SYNE1: variants seen among roughly 807,000 people sequenced by gnomAD.
SYNE1 encodes the protein nesprin-1.
In SYNE1, 616 loss-of-function variants were observed where a neutral mutation model predicts 1,111.0. The ratio of observed to expected loss-of-function variants is 0.55; its 90% CI spans 0.52 to 0.59. The LOEUF is 0.59. Ranked by LOEUF, SYNE1 falls within the 20% of genes least tolerant of loss-of-function variation. SYNE1 has a pLI of 0.00. For synonymous variants in SYNE1, 3,855 were observed against 3,825.8 expected, an observed-to-expected ratio of 1.01 and a Z score of -0.28; for missense variants, 10,006 against 10,417.0, an observed-to-expected ratio of 0.96 and a Z score of 1.72.
chr6:152,433,495 T>C (rs780154720), intron 34 of SYNE1: 9 of 402,356 alleles, frequency 2.2e-5, no homozygotes, highest in Non-Finnish European at 3.2e-5. Context: ...GAGCATTCTA[T>C]TGAGGTTAAT....
intron 32 of SYNE1, among the ~76,000 whole-genome samples, chr6:152,440,670 C>T (rs1035398729): frequency 1.4e-5 from 2 of 147,388 alleles, no homozygotes; most frequent in African/African-American, 5.1e-5. Flanking sequence ...CGGGTTCAAG[C>T]GATTCTCCTG....
chr6:152,198,878 T>G (rs1480277311), intron 127 of SYNE1, among the ~76,000 whole-genome samples: 1 of 151,856 alleles, frequency 6.6e-6, no homozygotes, highest in Admixed American at 6.6e-5. Flanking sequence ...TTTGGAATAT[T>G]GTGAGAATTA....
rs2099690454 is a variant in SYNE1, at chr6:152,628,367, C to T, written c.-36G>A. 4 of 1,607,006 alleles carry T rather than the reference C, an allele frequency of 2.5e-6. No individual in the cohort carries two copies. The highest frequency in any genetic ancestry group is 2.6e-6 in the Non-Finnish European group (3 of 1,173,740). Reference sequence around the variant, plus strand: ...GAAGCACGAAGCCAACACCAAGAGACTCTTCACTGGAGGCAGCACAGGGCT... The same window carrying T: ...GAAGCACGAAGCCAACACCAAGAGATTCTTCACTGGAGGCAGCACAGGGCT... On this transcript the variant is annotated 5_prime_UTR_variant, in exon 3 of 146. Transcript: ENST00000367255.
rs2095872423 is a variant in SYNE1, at chr6:152,321,710, C to G, written c.16083+11G>C. 1 of 1,613,894 alleles carries G rather than the reference C, an allele frequency of 6.2e-7. No homozygotes were observed. The highest frequency in any genetic ancestry group is 8.5e-7 in the Non-Finnish European group (1 of 1,179,906). ...ATGATGGGTAAAGAGAATGAGGAGA[C>G]TTTTTTGTACCTGAAGTTCTTCAAG... On this transcript the variant is annotated intron_variant, in intron 83 of 145. Transcript: ENST00000367255.
At position 152,416,378 on chromosome 6, in the gene SYNE1, C is replaced by G; in HGVS notation, c.6050+9G>C. 3 of 1,613,672 alleles carry G rather than the reference C, an allele frequency of 1.9e-6. No homozygotes were observed. The highest frequency in any genetic ancestry group is 1.3e-5 in the African/African-American group (1 of 75,052). ...AAGAGACAAGTGGCCGTGACAGTTT[C>G]CTATTTACCTCTGCTGAAGAGCTTG... On this transcript the variant is annotated intron_variant, in intron 41 of 145. Transcript: ENST00000367255.
At chr6:152,473,079 G>C (rs1237294185) in intron 14 of SYNE1, among the ~76,000 whole-genome samples, 2 of 152,074 alleles carry the variant, frequency 1.3e-5, no homozygotes, top group African/African-American at 2.4e-5. Flanking sequence ...AATCTTCTTT[G>C]ATTTGTTTGC....
intron 128 of SYNE1, chr6:152,185,334 T>G (rs937749065): frequency 1.8e-4 from 27 of 152,314 alleles, no homozygotes; most frequent in African/African-American, 5.5e-4. Flanking sequence ...ATCAACTGCT[T>G]TGGTCAGAAT....
chr6:152,256,968 T>A (rs1023025328), intron 101 of SYNE1, among the ~76,000 whole-genome samples: 6 of 152,174 alleles, frequency 3.9e-5, no homozygotes, highest in South Asian at 2.1e-4. Context: ...GGATGGATTT[T>A]TTTTTTTTAA....
In SYNE1 at chr6:152,300,743, G is replaced by A. The variant is rs1192305944; in HGVS notation, c.17580C>T (p.Val5860=). 3.7e-6 allele frequency: 6 copies of A among 1,614,232 alleles called. No individual in the cohort carries two copies. Among genetic ancestry groups the A allele is most frequent in the Non-Finnish European group, 5.1e-6 (6 of 1,180,044 alleles). The change falls in exon 93 of 146, where the codon GTC becomes GTT. Residue 5860 remains valine (V), a synonymous_variant. Transcript: ENST00000367255. ...AGRCHTLLSP[V]TEESGEEGTN... ...TTCCCTCCTCCCCAGACTCCTCAGT[G>A]ACCGGTGACAGCAAAGTGTGACAGC...
intron 101 of SYNE1, among the ~76,000 whole-genome samples, chr6:152,259,099 A>G (rs1189278741): frequency 6.6e-6 from 1 of 152,084 alleles, no homozygotes; most frequent in Admixed American, 6.6e-5. Flanking sequence ...CTGACTACTC[A>G]TGATCCTGTA....
intron 100 of SYNE1, among the ~76,000 whole-genome samples, chr6:152,267,026 A>G (rs1235906957): frequency 2.6e-5 from 4 of 152,138 alleles, no homozygotes; most frequent in Admixed American, 6.5e-5. Flanking sequence ...AGCATCATAC[A>G]TTTATTTTTT....
intron 121 of SYNE1, among the ~76,000 whole-genome samples, 190 bp from the exon 122 acceptor site, chr6:152,215,250 ACTGCTG>A (rs1220433614): frequency 6.6e-6 from 1 of 152,102 alleles, no homozygotes; most frequent in Non-Finnish European, 1.5e-5. Flanking sequence ...TTCAGTCTAA[ACTGCTG>A]CTGCTGCTGC....
At chr6:152,263,047 C>T (rs942519103) in intron 100 of SYNE1, among the ~76,000 whole-genome samples, 1 of 148,666 alleles carries the variant, frequency 6.7e-6, no homozygotes, top group Non-Finnish European at 1.5e-5. Flanking sequence ...GAAGGTAGTA[C>T]AGGACATGGA....
At chr6:152,618,781 T>G (rs2128884510) in intron 3 of SYNE1, among the ~76,000 whole-genome samples, 1 of 152,306 alleles carries the variant, frequency 6.6e-6, no homozygotes, top group African/African-American at 2.4e-5. Flanking sequence ...ACTGAATCTG[T>G]CTGGGGCAGT....
chr6:152,325,927 G>A (rs1375881072), intron 80 of SYNE1, 31 bp downstream of exon 80: 1 of 1,613,550 alleles, frequency 6.2e-7, no homozygotes, highest in East Asian at 2.2e-5. Flanking sequence ...TATAGAAAAA[G>A]GATTTTTTTT....
intron 59 of SYNE1, 26 bp from the exon 60 acceptor site, chr6:152,369,640 G>T (rs779000421): frequency 1.2e-6 from 2 of 1,613,742 alleles, no homozygotes; most frequent in Admixed American, 3.3e-5. Flanking sequence ...TAGTGTCCAG[G>T]ACAAGAAAAT....
chr6:152,597,790 T>G (rs2099586027), intron 3 of SYNE1, among the ~76,000 whole-genome samples: 1 of 152,224 alleles, frequency 6.6e-6, no homozygotes, highest in Admixed American at 6.5e-5. Flanking sequence ...TAGTATATAT[T>G]ATAGTCAAGC....
chr6:152,499,368 A>T lies in SYNE1; in HGVS notation c.889-576T>A, dbSNP rs1372500787. Among the ~76,000 whole-genome samples the T allele has an allele frequency of 5.3e-5, 8 of 152,078 alleles. No individual in the cohort carries two copies. In the East Asian group the frequency reaches 5.8e-4, roughly 11 times the overall value. On this transcript the variant is annotated intron_variant, in intron 10 of 145. Transcript: ENST00000367255. ...TTCATCAGTTTTATTGGATGAGATTAAAAAAACCCATGGTGATGTCGATTT... is the reference window on the plus strand; with the variant it reads ...TTCATCAGTTTTATTGGATGAGATTTAAAAAACCCATGGTGATGTCGATTT...
In SYNE1 at chr6:152,369,026, C is replaced by T; in HGVS notation, c.9753G>A (p.Arg3251=). Residue 3251 remains arginine, a synonymous_variant, in exon 61 of 146, where the codon AGG becomes AGA. Transcript: ENST00000367255. Reference sequence around the variant, plus strand: ...GAGAAGACAGCTGCGACACTCTGTGCCTAAAGCTCTTGCTGGCAGCTTGTC... The same window carrying T: ...GAGAAGACAGCTGCGACACTCTGTGTCTAAAGCTCTTGCTGGCAGCTTGTC... ...WEGQAASKSF[R]HRVSQLSSQY... 1 of 1,614,214 alleles carries T rather than the reference C, an allele frequency of 6.2e-7. No homozygotes were observed. The highest frequency in any genetic ancestry group is 8.5e-7 in the Non-Finnish European group (1 of 1,180,036).
Sources: gnomAD v4.1 joint callset for allele counts (sites outside exome capture counted in the v4.1 genomes callset) on GRCh38, gnomAD v4.1.1 for gene constraint, MANE v1.5 for transcripts, NCBI Gene and HGNC (gene_info 2026-07-23, HGNC 2026-07-21) for gene names.